Variants in CHRNE observed in about 807,000 individuals in gnomAD.
The protein encoded by CHRNE is cholinergic receptor nicotinic epsilon subunit, also known as acetylcholine receptor subunit epsilon.
CHRNE carries 58 observed loss-of-function variants against 56.5 expected under a neutral mutation model. That is an observed-to-expected ratio of 1.03 (90% CI 0.83 to 1.28). The LOEUF is 1.28. CHRNE is among the 50% of genes most tolerant of loss of function. The probability of loss-of-function intolerance (pLI) is 0.00; values close to 1 mark genes in which losing one functional copy is unlikely to be tolerated. For synonymous variants in CHRNE, 385 were observed against 297.9 expected (o/e 1.29, Z -3.01); for missense variants, 793 against 688.9 (o/e 1.15, Z -1.69).
In CHRNE at chr17:4,902,997, C is replaced by A. The variant is rs374404201; in HGVS notation, c.46+21G>T. The stretch of plus-strand genomic sequence containing the variant: ...TCAGTATCTGTGTGTGTCCAATTGC[C>A]CCTCTAGCCCCTGTCCGTACCGAGA... On this transcript the variant is annotated intron_variant, in intron 1 of 11. Coordinates refer to ENST00000649488, the MANE Select transcript of CHRNE (RefSeq NM_000080.4). This position sits in a 1 kb window ranked among gnomAD's most constrained non-coding sequence, Gnocchi z 4.0. 37 of 1,613,948 alleles carry A rather than the reference C, an allele frequency of 2.3e-5. No individual in the cohort carries two copies. The highest frequency in any genetic ancestry group is 6.7e-5 in the Admixed American group (4 of 59,996).
At position 4,897,979 on chromosome 17, in the gene CHRNE, C is replaced by T. The variant is rs1969751436; in HGVS notation, c.*757G>A. The T allele has an allele frequency of 2.5e-4, 1 of 4,070 alleles. No homozygotes were observed. The highest frequency in any genetic ancestry group is 8.5e-4 in the Non-Finnish European group (1 of 1,174). 0.3% of individuals were successfully genotyped at this position (4,070 alleles called of 1,614,324 possible). ...ATAGTGTGAGCAGCAAGTAACCCTTCTCCCTCCCCCCCCACCCCTCCTCAA... is the reference window on the plus strand; with the variant it reads ...ATAGTGTGAGCAGCAAGTAACCCTTTTCCCTCCCCCCCCACCCCTCCTCAA... On this transcript the variant is annotated 3_prime_UTR_variant, in exon 12 of 12. Transcript: ENST00000649488.
In CHRNE at chr17:4,898,639, G is replaced by T; in HGVS notation, c.*97C>A. 6.8e-7 allele frequency: 1 copy of T among 1,466,568 alleles called. No individual in the cohort carries two copies. The highest frequency in any genetic ancestry group is 9.3e-7 in the Non-Finnish European group (1 of 1,079,056). The allele number at this position is 1,466,568 out of a possible 1,614,324, so 90.8% of individuals were successfully genotyped here. ...AAGTTCACAAACTGCAGATTGATCA[G>T]CAGGGGGAAGGGATCATAATGCCGT... On this transcript the variant is annotated 3_prime_UTR_variant, in exon 12 of 12. Coordinates refer to ENST00000649488, the MANE Select transcript of CHRNE (RefSeq NM_000080.4).
rs1479728021 is a variant in CHRNE, at chr17:4,901,105, G to C, written c.687C>G (p.Asp229Glu). 1.2e-6 allele frequency: 2 copies of C among 1,613,424 alleles called. No individual in the cohort carries two copies. Among genetic ancestry groups the C allele is most frequent in the Non-Finnish European group, 1.7e-6 (2 of 1,179,940 alleles). ...GGCGGATGATGAGCGAGTAGATGACGTCAGTCTCCCCTGGGCCGTCGGTGG... is the reference window on the plus strand; with the variant it reads ...GGCGGATGATGAGCGAGTAGATGACCTCAGTCTCCCCTGGGCCGTCGGTGG... ...GGATDGPGET[D>E]VIYSLIIRRK... The change falls in exon 7 of 12, where the codon GAC becomes GAG. Residue 229 changes from aspartate (D) to glutamate (E), a missense_variant. Coordinates refer to ENST00000649488, the MANE Select transcript of CHRNE (RefSeq NM_000080.4).
chr17:4,902,637 G>A lies in CHRNE; in HGVS notation c.173C>T (p.Thr58Met), dbSNP rs1970030161. The change falls in exon 2 of 12, where the codon ACG becomes ATG. Residue 58 changes from threonine to methionine, a missense_variant. By Grantham distance (81) the Thr-to-Met change is moderately conservative (BLOSUM62 -1). Coordinates refer to ENST00000649488, the MANE Select transcript of CHRNE (RefSeq NM_000080.4). This position sits in a 1 kb window ranked among gnomAD's most constrained non-coding sequence, Gnocchi z 4.0. ...TVTISLKVTLTNLISLNEKEE... is the reference protein window; with the variant it reads ...TVTISLKVTLMNLISLNEKEE... ...GTAGCTTACCAGTGAGATGAGATTC[G>A]TCAGGGTGACCTTGAGGCTGATGGT... The A allele has an allele frequency of 6.2e-7, 1 of 1,613,880 alleles. No individual in the cohort carries two copies. Among genetic ancestry groups the A allele is most frequent in the Non-Finnish European group, 8.5e-7 (1 of 1,180,000 alleles).
At position 4,899,534 on chromosome 17, in the gene CHRNE, G is replaced by T. The variant is rs56377005; in HGVS notation, c.966C>A (p.Cys322Ter). 2.5e-6 allele frequency: 4 copies of T among 1,603,658 alleles called. No homozygotes were observed. The highest frequency in any genetic ancestry group is 3.4e-6 in the Non-Finnish European group (4 of 1,176,202). The change falls in exon 9 of 12, where the codon TGC (cysteine) becomes TGA (stop). Residue 322 changes from cysteine (C) to a stop codon, truncating the protein, a stop_gained. Transcript: ENST00000649488. LOFTEE classifies it high-confidence loss of function. ...MVVATLIVMN[C>*]VIVLNVSQRT... ...GCTGGGACACGTTGAGCACGATGAC[G>T]CAATTCATGACAATGAGCGTGGCGA...
intron 8 of CHRNE, 106 bp from the exon 9 acceptor site, chr17:4,899,688 C>G: frequency 6.9e-7 from 1 of 1,458,436 alleles, no homozygotes; most frequent in Admixed American, 2.0e-5. Flanking sequence ...GCTGGTTACG[C>G]CCTCCAGCTG....
intron 5 of CHRNE, 70 bp from the exon 6 acceptor site, chr17:4,901,695 G>T: frequency 1.4e-6 from 2 of 1,480,954 alleles, no homozygotes; most frequent in East Asian, 2.3e-5. Flanking sequence ...CCCAGCCCTG[G>T]AAGCTGGGAT....
At chr17:4,900,212 G>A (rs946782500) in intron 8 of CHRNE, 17 of 1,544,292 alleles carry the variant, frequency 1.1e-5, no homozygotes, top group South Asian at 3.6e-5. Flanking sequence ...CTGCCTCCCC[G>A]CTAACCCCTG....
rs763181728 is a variant in CHRNE at position 4,902,028 on chromosome 17, G to A, written c.404C>T (p.Ser135Phe). 3 of 1,614,086 alleles carry A rather than the reference G, an allele frequency of 1.9e-6. No individual in the cohort carries two copies. The highest frequency in any genetic ancestry group is 1.7e-6 in the Non-Finnish European group (2 of 1,180,038). ...GATGGCCGGAGGCAGCCACGTCACG[G>A]AGCCGCCCTCGTAGACGAGCACGTT... is the stretch of plus-strand genomic sequence containing the variant. ...DANVLVYEGG[S>F]VTWLPPAIYR... The change falls in exon 5 of 12, where the codon TCC (serine) becomes TTC (phenylalanine). Residue 135 changes from serine to phenylalanine, a missense_variant. By Grantham distance (155) the Ser-to-Phe change is radical (BLOSUM62 -2). Transcript: ENST00000649488. This position sits in a 1 kb window ranked among gnomAD's most constrained non-coding sequence, Gnocchi z 4.0.
Position 4,898,289 on chromosome 17 carries a change from T to G in CHRNE, c.*447A>C. The G allele has an allele frequency of 3.7e-6, 1 of 270,550 alleles. No homozygotes were observed. The highest frequency in any genetic ancestry group is 7.3e-6 in the Non-Finnish European group (1 of 136,820). The allele number at this position is 270,550 out of a possible 1,614,324, so 16.8% of individuals were successfully genotyped here. On this transcript the variant is annotated 3_prime_UTR_variant, in exon 12 of 12. Coordinates refer to ENST00000649488, the MANE Select transcript of CHRNE (RefSeq NM_000080.4). ...TGAGGGCCACCAGCACTGAAGGTGT[T>G]TGGTTCCCACCCGCTCCAGCAGAGC...
Position 4,900,699 on chromosome 17 carries a change from G to T in CHRNE, c.917+94C>A, listed in dbSNP as rs370199113. 8.4e-4 allele frequency: 1,232 copies of T among 1,471,890 alleles called. 7 individuals carry two copies. The African/African-American group carries it at 0.016, about 19-fold the overall frequency. The allele number at this position is 1,471,890 out of a possible 1,614,324, so 91.2% of individuals were successfully genotyped here. ...GCGTCCGAATAAAGCCCAGGGCGGG[G>T]CGAGACAGCCAGAGCTTTTCCCGGG... On this transcript the variant is annotated intron_variant, in intron 8 of 11. Transcript: ENST00000649488.
At chr17:4,901,248 A>C in intron 6 of CHRNE, 58 bp from the exon 7 acceptor site, 1 of 1,567,194 alleles carries the variant, frequency 6.4e-7, no homozygotes, top group East Asian at 2.2e-5. Context: ...CCGAGCTGAC[A>C]GCGGGCTGAA....
chr17:4,900,574 T>G (rs1248017352), intron 8 of CHRNE: 1 of 1,549,262 alleles, frequency 6.5e-7, no homozygotes, highest in African/African-American at 1.4e-5. Context: ...TGAGCCGGAC[T>G]GTCCCCCAAG....
At chr17:4,906,896 C>T (rs1294087091), upstream of CHRNE, among the ~76,000 whole-genome samples, 3 of 152,176 alleles carry the variant, frequency 2.0e-5, no homozygotes, top group African/African-American at 7.2e-5. Context: ...TTTGCAACAA[C>T]ATGAATGGAA....
chr17:4,903,683 G>A (rs1970049300), upstream of CHRNE, among the ~76,000 whole-genome samples: 1 of 151,996 alleles, frequency 6.6e-6, no homozygotes, highest in Non-Finnish European at 1.5e-5. Context: ...TGATCGCCAG[G>A]TTTGCCCATG....
Position 4,901,074 on chromosome 17 carries a change from G to A in CHRNE, c.718C>T (p.Pro240Ser). Residue 240 changes from proline to serine, a missense_variant, in exon 7 of 12, where the codon CCG becomes TCG. By Grantham distance (74) the Pro-to-Ser change is moderately conservative. Coordinates refer to ENST00000649488, the MANE Select transcript of CHRNE (RefSeq NM_000080.4). ...VIYSLIIRRK[P>S]LFYVINIIVP... Reference sequence around the variant, plus strand: ...ATGATGTTAATGACGTAGAAGAGCGGCTTCCGGCGGATGATGAGCGAGTAG... The same window carrying A: ...ATGATGTTAATGACGTAGAAGAGCGACTTCCGGCGGATGATGAGCGAGTAG... The A allele has an allele frequency of 6.2e-7, 1 of 1,613,900 alleles. No individual in the cohort carries two copies. The highest frequency in any genetic ancestry group is 8.5e-7 in the Non-Finnish European group (1 of 1,179,944).
In CHRNE at chr17:4,899,352, GC is replaced by G. The variant is rs1567636622; in HGVS notation, c.1064del (p.Gly355AlafsTer30). 2 of 1,538,990 alleles carry G rather than the reference GC, an allele frequency of 1.3e-6. No homozygotes were observed. Among genetic ancestry groups the G allele is most frequent in the Admixed American group, 4.0e-5 (2 of 49,562 alleles). ...GGGGGGCCTCGGGCGGCGGCGGGGA[GC>G]CCAGGAGGCGCGGCAGCAGCTCCAG... ...VLLELLPRLL[G>X]SPPPPEAPRA... On this transcript the variant is annotated frameshift_variant, in exon 10 of 12. Transcript: ENST00000649488. LOFTEE classifies it high-confidence loss of function.
In CHRNE at chr17:4,901,066, G is replaced by T; in HGVS notation, c.726C>A (p.Phe242Leu). The change falls in exon 7 of 12, where the codon TTC becomes TTA. Residue 242 changes from phenylalanine (F) to leucine (L), a missense_variant. Coordinates refer to ENST00000649488, the MANE Select transcript of CHRNE (RefSeq NM_000080.4). Reference sequence around the variant, plus strand: ...AGGGCACGATGATGTTAATGACGTAGAAGAGCGGCTTCCGGCGGATGATGA... The same window carrying T: ...AGGGCACGATGATGTTAATGACGTATAAGAGCGGCTTCCGGCGGATGATGA... ...YSLIIRRKPL[F>L]YVINIIVPCV... 1 of 1,614,046 alleles carries T rather than the reference G, an allele frequency of 6.2e-7. No homozygotes were observed. The highest frequency in any genetic ancestry group is 8.5e-7 in the Non-Finnish European group (1 of 1,179,994).
intron 7 of CHRNE, 38 bp downstream of exon 7, chr17:4,900,952 A>C (rs1443865491): frequency 6.2e-7 from 1 of 1,613,846 alleles, no homozygotes; most frequent in East Asian, 2.2e-5. Flanking sequence ...CCCGGGAGCG[A>C]GCCCGGGTTT....
Sources: gnomAD v4.1 joint callset for allele counts (sites outside exome capture counted in the v4.1 genomes callset) on GRCh38, gnomAD v4.1.1 for gene constraint, Gnocchi (gnomAD v3.1) non-coding constraint, MANE v1.5 for transcripts, NCBI Gene and HGNC (gene_info 2026-07-23, HGNC 2026-07-21) for gene names.